The following TENM2 variants were observed in gnomAD, a reference collection of about 807,000 sequenced individuals.
TENM2 encodes teneurin transmembrane protein 2.
TENM2 carries 52 observed loss-of-function variants against 245.2 expected under a neutral mutation model. The ratio of observed to expected loss-of-function variants is 0.21; its 90% confidence interval spans 0.17 to 0.27. The LOEUF is 0.27. Among genes scored for constraint, TENM2 ranks in the 10% least tolerant of loss-of-function variants. The pLI is 1.00. For missense variants in TENM2, 3,046 were observed against 3,666.8 expected (o/e 0.83, Z 4.37); for synonymous variants, 1,363 against 1,438.9 (o/e 0.95, Z 1.19).
At chr5:167,014,140 C>T in the TENM2 span, among the ~76,000 whole-genome samples, 640 of 128,240 alleles carry the variant, frequency 5.0e-3, no homozygotes, top group Middle Eastern at 0.025. Flanking sequence ...AAAACCAATT[C>T]TTTTTTTTTT....
chr5:167,857,607 C>G (rs902174416), intron 2 of TENM2, among the ~76,000 whole-genome samples: 1 of 152,098 alleles, frequency 6.6e-6, no homozygotes, highest in African/African-American at 2.4e-5. Context: ...GTTCATGGAA[C>G]CCTTGTTTCC....
intron 2 of TENM2, among the ~76,000 whole-genome samples, chr5:167,502,363 A>G (rs1364885242): frequency 6.6e-6 from 1 of 152,212 alleles, no homozygotes; most frequent in Non-Finnish European, 1.5e-5. Flanking sequence ...AACAGCATGC[A>G]ACAATTTAAT....
chr5:168,257,781 A>G (rs1767810042), intron 27 of TENM2, among the ~76,000 whole-genome samples: 1 of 152,068 alleles, frequency 6.6e-6, no homozygotes, highest in Admixed American at 6.5e-5. Flanking sequence ...ACGCCCAGCT[A>G]ATTTTTGTAT....
chr5:167,249,430 C>G, the TENM2 span, among the ~76,000 whole-genome samples: 1 of 151,962 alleles, frequency 6.6e-6, no homozygotes, highest in African/African-American at 2.4e-5. Flanking sequence ...TTTTCCCGTT[C>G]TTCTTTCCTT....
chr5:167,999,658 T>C (rs573230021), intron 5 of TENM2, among the ~76,000 whole-genome samples: 1 of 152,290 alleles, frequency 6.6e-6, no homozygotes, highest in African/African-American at 2.4e-5. Context: ...AAAAACATAT[T>C]TGTGCAATCT....
intron 3 of TENM2, among the ~76,000 whole-genome samples, chr5:167,936,289 C>G (rs187226242): frequency 2.6e-4 from 40 of 152,324 alleles, no homozygotes; most frequent in African/African-American, 8.9e-4. Flanking sequence ...CATTCATTCT[C>G]CTTTCTACAC....
At chr5:167,618,250 G>A (rs1251740936) in intron 2 of TENM2, among the ~76,000 whole-genome samples, 2 of 152,058 alleles carry the variant, frequency 1.3e-5, no homozygotes, top group Non-Finnish European at 2.9e-5. Context: ...CTTGTCCAGG[G>A]TCACTCATAG....
chr5:167,760,229 C>T (rs185928205), intron 2 of TENM2, among the ~76,000 whole-genome samples: 82 of 152,314 alleles, frequency 5.4e-4, no homozygotes, highest in Non-Finnish European at 4.4e-5. Flanking sequence ...TTACCTAGAA[C>T]CAGTTTCTTC....
intron 25 of TENM2, among the ~76,000 whole-genome samples, chr5:168,237,270 A>G (rs892716650): frequency 2.0e-5 from 3 of 151,164 alleles, no homozygotes; most frequent in Non-Finnish European, 4.4e-5. Flanking sequence ...CACCCGCCTC[A>G]GCCTCCCAAA....
chr5:168,203,884 C>T, intron 18 of TENM2, 52 bp downstream of exon 20: 1 of 1,535,634 alleles, frequency 6.5e-7, no homozygotes, highest in Non-Finnish European at 8.9e-7. Context: ...TTCTCTGGAA[C>T]CTTGTCTCTA....
chr5:167,445,369 A>AGAGAGAGAGAGAGTGT (rs35699708), intron 2 of TENM2, among the ~76,000 whole-genome samples: 12 of 98,602 alleles, frequency 1.2e-4, no homozygotes, highest in East Asian at 4.1e-4. Context: ...AGAGAGAGAG[A>AGAGAGAGAGAGAGTGT]GTGTCAGGTG....
intron 14 of TENM2, among the ~76,000 whole-genome samples, chr5:168,194,588 A>G (rs573436551): frequency 6.6e-6 from 1 of 152,250 alleles, no homozygotes; most frequent in East Asian, 1.9e-4. Flanking sequence ...ATTTTTATTG[A>G]ATGTGTATAT....
chr5:167,745,160 A>C (rs1331761558), intron 2 of TENM2, among the ~76,000 whole-genome samples: 1 of 152,226 alleles, frequency 6.6e-6, no homozygotes, highest in Non-Finnish European at 1.5e-5. Flanking sequence ...AAGTAGGGCT[A>C]AAACGCAGGA....
chr5:167,768,540 A>T (rs1005846227), intron 2 of TENM2, among the ~76,000 whole-genome samples: 10 of 152,088 alleles, frequency 6.6e-5, no homozygotes, highest in African/African-American at 2.4e-4. Context: ...TTTATTTGGG[A>T]TGTTTCCACG....
chr5:167,743,145 C>T (rs1761311115), intron 2 of TENM2, among the ~76,000 whole-genome samples: 1 of 152,194 alleles, frequency 6.6e-6, no homozygotes, highest in African/African-American at 2.4e-5. Context: ...CCTGGGACTA[C>T]ACTTACTGGA....
At chr5:168,040,834 G>GA (rs2152005669) in intron 5 of TENM2, among the ~76,000 whole-genome samples, 1 of 152,246 alleles carries the variant, frequency 6.6e-6, no homozygotes, top group African/African-American at 2.4e-5. Context: ...ACTGACAAGG[G>GA]AAAAAACACC....
At chr5:167,825,522 A>T (rs1460264551) in intron 2 of TENM2, among the ~76,000 whole-genome samples, 1 of 151,936 alleles carries the variant, frequency 6.6e-6, no homozygotes, top group East Asian at 1.9e-4. Context: ...CATCTCCTAG[A>T]CCTTAACTCA....
intron 2 of TENM2, among the ~76,000 whole-genome samples, chr5:167,582,409 T>G (rs1057471653): frequency 6.6e-6 from 1 of 152,198 alleles, no homozygotes; most frequent in African/African-American, 2.4e-5. Flanking sequence ...GTGTTTATAA[T>G]CACCTATCCT....
the TENM2 span, among the ~76,000 whole-genome samples, chr5:167,196,566 G>GTATA: frequency 3.2e-4 from 46 of 143,466 alleles, no homozygotes; most frequent in African/African-American, 1.1e-3. Context: ...ATATGTGTGT[G>GTATA]TATATATATA....
Sources: gnomAD v4.1 joint callset for allele counts (sites outside exome capture counted in the v4.1 genomes callset) on GRCh38, gnomAD v4.1.1 for gene constraint, MANE v1.5 for transcripts, NCBI Gene and HGNC (gene_info 2026-07-23, HGNC 2026-07-21) for gene names.